ELF2: variants seen among roughly 807,000 people sequenced by gnomAD.
ELF2 encodes the protein ETS-related transcription factor Elf-2.
Under a neutral mutation model 54.8 loss-of-function variants are expected in ELF2, and 11 were observed. That is an observed-to-expected ratio of 0.20 (90% CI 0.13 to 0.33). The LOEUF (loss-of-function observed/expected upper bound fraction) is 0.33. Ranked by LOEUF, ELF2 falls within the 10% of genes least tolerant of loss-of-function variation. The probability of loss-of-function intolerance (pLI) is 1.00; values close to 1 mark genes in which losing one functional copy is unlikely to be tolerated. For missense variants in ELF2, 513 were observed against 703.0 expected (o/e 0.73, Z 3.06); for synonymous variants, 203 against 245.1 (o/e 0.83, Z 1.61).
At chr4:139,086,508 AT>A (rs1731998130) in intron 4 of ELF2, among the ~76,000 whole-genome samples, 1 of 152,206 alleles carries the variant, frequency 6.6e-6, no homozygotes, top group Non-Finnish European at 1.5e-5. Flanking sequence ...TATGTTACTG[AT>A]TTATTTAATA....
At chr4:139,065,106 G>T (rs1166512584) in intron 7 of ELF2, among the ~76,000 whole-genome samples, 1 of 152,006 alleles carries the variant, frequency 6.6e-6, no homozygotes, top group Non-Finnish European at 1.5e-5. Context: ...GTATAACATA[G>T]ACAATGCCCT....
At chr4:139,086,488 T>C (rs1471660680) in intron 4 of ELF2, among the ~76,000 whole-genome samples, 1 of 152,232 alleles carries the variant, frequency 6.6e-6, no homozygotes, top group Non-Finnish European at 1.5e-5. Flanking sequence ...AAATGTCTAT[T>C]TGAGCTTTTT....
chr4:139,077,698 A>G (rs1241985601), intron 4 of ELF2, among the ~76,000 whole-genome samples: 1 of 152,220 alleles, frequency 6.6e-6, no homozygotes, highest in East Asian at 1.9e-4. Context: ...TTCAAATAAA[A>G]TTTAAACTAT....
At chr4:139,084,024 G>GTGGA in intron 4 of ELF2, 1 of 1,567,284 alleles carries the variant, frequency 6.4e-7, no homozygotes, top group Admixed American at 1.7e-5. Context: ...TGACTGTGAG[G>GTGGA]TGGACACTGT....
At chr4:139,173,757 CAAAAAA>C (rs1195159962) in intron 1 of ELF2, among the ~76,000 whole-genome samples, 1 of 47,588 alleles carries the variant, frequency 2.1e-5, no homozygotes, top group Non-Finnish European at 4.5e-5. Context: ...GACTCCGTCT[CAAAAAA>C]AAAAAAAAAA....
At chr4:139,176,022 C>T (rs1422028777) in intron 1 of ELF2, among the ~76,000 whole-genome samples, 1 of 152,174 alleles carries the variant, frequency 6.6e-6, no homozygotes, top group African/African-American at 2.4e-5. Flanking sequence ...GAAGAGAGGG[C>T]TCGGCTACCC....
chr4:139,095,898 G>C (rs1478701112), intron 4 of ELF2, among the ~76,000 whole-genome samples: 1 of 152,078 alleles, frequency 6.6e-6, no homozygotes, highest in African/African-American at 2.4e-5. Context: ...ACAAAAATTA[G>C]CTGGGCACGG....
chr4:139,123,922 T>A (rs1042514932), intron 4 of ELF2, among the ~76,000 whole-genome samples: 1 of 152,250 alleles, frequency 6.6e-6, no homozygotes, highest in African/African-American at 2.4e-5. Context: ...GCCACTATAC[T>A]TCTAGCTTCA....
Position 139,140,180 on chromosome 4 carries a change from G to T in ELF2, c.-251-683C>A, listed in dbSNP as rs563991278. 6.6e-5 allele frequency among the ~76,000 whole-genome samples: 10 copies of T among 152,230 alleles called. No homozygotes were observed. In the South Asian group the frequency reaches 2.1e-3, roughly 32 times the overall value. On this transcript the variant is annotated intron_variant, in intron 1 of 9. Transcript: ENST00000686138. ...TGATCTGGAACTCCTGGCCTCAGGT[G>T]ATTCTGCCACCTCAGCCTCCTGAGT...
At chr4:139,139,998 C>T (rs988130122) in intron 1 of ELF2, among the ~76,000 whole-genome samples, 18 of 152,164 alleles carry the variant, frequency 1.2e-4, no homozygotes, top group Non-Finnish European at 1.6e-4. Flanking sequence ...GGTGAGATCA[C>T]GGCTCACTGC....
rs576871499 is a variant in ELF2, at chr4:139,121,162, G to A, written c.238+4002C>T. ...CTTGCTCTGTCGCCCAGGCTGGAGT[G>A]CAGTGGCGCGATCTCGGCTCACTGC... On this transcript the variant is annotated intron_variant, in intron 4 of 9. Coordinates refer to ENST00000686138, the MANE Select transcript of ELF2 (RefSeq NM_001331036.3). 2.9e-3 allele frequency among the ~76,000 whole-genome samples: 375 copies of A among 128,456 alleles called. 1 individual carries two copies. Among genetic ancestry groups the A allele is most frequent in the African/African-American group, 0.011 (363 of 33,434 alleles). The allele number at this position is 128,456 out of a possible 152,430, so 84.3% of individuals were successfully genotyped here.
At chr4:139,173,577 T>C (rs547302582) in intron 1 of ELF2, among the ~76,000 whole-genome samples, 24 of 150,072 alleles carry the variant, frequency 1.6e-4, no homozygotes, top group African/African-American at 5.9e-4. Context: ...GCTAACACAG[T>C]GAAATCCCAT....
rs368759360 is a variant in ELF2, at chr4:139,113,745, C to T, written c.238+11419G>A. Among the ~76,000 whole-genome samples, 33 of 151,868 alleles carry T rather than the reference C, an allele frequency of 2.2e-4. No homozygotes were observed. The East Asian group carries it at 4.7e-3, about 21-fold the overall frequency. ...TGGTGGGCACCTGTAATCCCAGCTA[C>T]TCAGGATGCTGAGGCAGGAGAATCG... On this transcript the variant is annotated intron_variant, in intron 4 of 9. Coordinates refer to ENST00000686138, the MANE Select transcript of ELF2 (RefSeq NM_001331036.3).
At chr4:139,135,235 A>G (rs1004914245) in intron 3 of ELF2, among the ~76,000 whole-genome samples, 31 of 131,966 alleles carry the variant, frequency 2.3e-4, no homozygotes, top group Middle Eastern at 3.7e-3. Flanking sequence ...ACTACTATAT[A>G]TATGTGTGTG....
chr4:139,164,095 GGA>G lies in ELF2; in HGVS notation c.-252+12870_-252+12871del, dbSNP rs200933240. Among the ~76,000 whole-genome samples, 963 of 146,070 alleles carry G rather than the reference GGA, an allele frequency of 6.6e-3. 18 individuals carry two copies. Among genetic ancestry groups the G allele is most frequent in the African/African-American group, 0.022 (881 of 39,422 alleles). On this transcript the variant is annotated intron_variant, in intron 1 of 9. Coordinates refer to ENST00000686138, the MANE Select transcript of ELF2 (RefSeq NM_001331036.3). ...GAGAGAGAAAGAGGGAGGGAGAGAGGGAGAGAGAGAAAGAGGGAGGAAGGGAG... is the reference window on the plus strand; with the variant it reads ...GAGAGAGAAAGAGGGAGGGAGAGAGGGAGAGAGAAAGAGGGAGGAAGGGAG...
At chr4:139,092,527 G>C (rs1236611109) in intron 4 of ELF2, among the ~76,000 whole-genome samples, 1 of 151,980 alleles carries the variant, frequency 6.6e-6, no homozygotes, top group Non-Finnish European at 1.5e-5. Context: ...AGAGGCGGAG[G>C]CGGGTGGATC....
intron 3 of ELF2, among the ~76,000 whole-genome samples, chr4:139,128,711 A>G (rs1228717679): frequency 6.6e-6 from 1 of 151,586 alleles, no homozygotes; most frequent in African/African-American, 2.4e-5. Context: ...TGGTAGAGAC[A>G]GGGTTTCACC....
intron 4 of ELF2, among the ~76,000 whole-genome samples, chr4:139,114,562 CACACACACA>C (rs1305345765): frequency 3.0e-4 from 3 of 10,160 alleles, no homozygotes; most frequent in Non-Finnish European, 7.0e-4. Flanking sequence ...ACTTCAGTCT[CACACACACA>C]CACACACACA....
chr4:139,117,206 A>G (rs1438743345), intron 4 of ELF2, among the ~76,000 whole-genome samples: 1 of 152,194 alleles, frequency 6.6e-6, no homozygotes, highest in African/African-American at 2.4e-5. Context: ...TTGACAGCCA[A>G]TGTTTATTAA....
Sources: allele counts gnomAD v4.1 joint callset (sites outside exome capture counted in the v4.1 genomes callset), GRCh38; gene constraint gnomAD v4.1.1; transcripts MANE v1.5; gene names NCBI Gene and HGNC (gene_info 2026-07-23, HGNC 2026-07-21).